The following GPSM2 variants were observed in gnomAD, a reference collection of about 807,000 sequenced individuals.
GPSM2 encodes G protein signaling modulator 2.
In GPSM2, 58 loss-of-function variants were observed where a neutral mutation model predicts 78.4. The observed-to-expected ratio is 0.74, with a 90% confidence interval of 0.60 to 0.92. GPSM2 has a LOEUF of 0.92. GPSM2 is among the 40% of genes least tolerant of loss of function. The pLI, the probability that GPSM2 is intolerant of heterozygous loss-of-function variation, is 0.00. For synonymous variants in GPSM2, 224 were observed against 280.2 expected, an observed-to-expected ratio of 0.80 and a Z score of 2.00; for missense variants, 700 against 815.5, an observed-to-expected ratio of 0.86 and a Z score of 1.73.
chr1:108,928,144 G>C (rs1019593275), intron 14 of GPSM2, among the ~76,000 whole-genome samples: 10 of 152,074 alleles, frequency 6.6e-5, no homozygotes, highest in African/African-American at 2.2e-4. Flanking sequence ...TAAAATACTT[G>C]GAAATCACAT....
intron 11 of GPSM2, among the ~76,000 whole-genome samples, chr1:108,917,611 C>CACAT (rs1312607573): frequency 1.1e-3 from 25 of 22,690 alleles, no homozygotes; most frequent in Admixed American, 3.1e-3. Flanking sequence ...CACACACACA[C>CACAT]ATATATATAT....
chr1:108,920,194 C>A (rs1650593531), intron 12 of GPSM2, among the ~76,000 whole-genome samples: 1 of 146,338 alleles, frequency 6.8e-6, no homozygotes. Flanking sequence ...ATTGGCTGGG[C>A]GCAGTGGCTC....
At chr1:108,897,873 T>G (rs1648493285) in intron 4 of GPSM2, 86 bp from the exon 5 acceptor site, 7 of 1,418,100 alleles carry the variant, frequency 4.9e-6, no homozygotes, top group Non-Finnish European at 5.9e-6. Context: ...TTTTCCCTTG[T>G]CCGTAATACT....
At chr1:108,878,237 G>A (rs993084620) in intron 1 of GPSM2, among the ~76,000 whole-genome samples, 1 of 152,184 alleles carries the variant, frequency 6.6e-6, no homozygotes, top group East Asian at 1.9e-4. Context: ...GTAGATCACT[G>A]TTGGTTGACA....
At chr1:108,928,188 A>G (rs1240742480) in intron 14 of GPSM2, among the ~76,000 whole-genome samples, 2 of 152,254 alleles carry the variant, frequency 1.3e-5, no homozygotes, top group African/African-American at 2.4e-5. Flanking sequence ...GAATATATAG[A>G]AAACTCCTAA....
intron 1 of GPSM2, among the ~76,000 whole-genome samples, chr1:108,880,995 G>A (rs1665867672): frequency 6.6e-6 from 1 of 152,190 alleles, no homozygotes; most frequent in South Asian, 2.1e-4. Flanking sequence ...TTGATAAAGA[G>A]CTAGCCTTTC....
chr1:108,924,147 G>A lies in GPSM2; in HGVS notation c.1748G>A (p.Ser583Asn), dbSNP rs1650951252. 3.7e-6 allele frequency: 6 copies of A among 1,613,760 alleles called. No homozygotes were observed. The African/African-American group carries it at 4.0e-5, about 11-fold the overall frequency. ...ACACAAAACAGCCAGTCGGTACTTA[G>A]CCACCTGATGACTAATGACAACAAA... ...RLTQNSQSVL[S>N]HLMTNDNKEA... The change falls in exon 14 of 15, where the codon AGC becomes AAC. Residue 583 changes from serine (S) to asparagine (N), a missense_variant. Physicochemically the swap from Ser to Asn is conservative, Grantham distance 46 (BLOSUM62 1). Coordinates refer to ENST00000264126, the MANE Select transcript of GPSM2 (RefSeq NM_013296.5).
chr1:108,934,281 G>C lies in GPSM2; in HGVS notation c.*4341G>C, dbSNP rs567648797. On this transcript the variant is annotated 3_prime_UTR_variant, in exon 15 of 15. Transcript: ENST00000264126. The stretch of plus-strand genomic sequence containing the variant: ...CATCAAGTGGGTGGCCTTAACTCTA[G>C]TGGATTCACTAGGCAATGTAAATTG... 2.2e-5 allele frequency: 4 copies of C among 184,290 alleles called. No individual in the cohort carries two copies. In the South Asian group the frequency reaches 5.0e-4, roughly 23 times the overall value. 11.4% of individuals were successfully genotyped at this position (184,290 alleles called of 1,614,324 possible). A position where few individuals can be genotyped will look rare whatever the true frequency, so the allele number is the denominator to read the frequency against.
chr1:108,917,611 C>CACACAT (rs1312607573), intron 11 of GPSM2, among the ~76,000 whole-genome samples: 18 of 22,700 alleles, frequency 7.9e-4, no homozygotes, highest in African/African-American at 2.8e-3. Context: ...CACACACACA[C>CACACAT]ATATATATAT....
intron 11 of GPSM2, among the ~76,000 whole-genome samples, chr1:108,915,234 G>A (rs894595614): frequency 6.6e-6 from 1 of 150,996 alleles, no homozygotes; most frequent in Admixed American, 6.6e-5. Context: ...AGCTGGGTGT[G>A]GTGGTGTCCG....
At chr1:108,897,692 T>G in intron 4 of GPSM2, 65 bp downstream of exon 4, 8 of 1,334,378 alleles carry the variant, frequency 6.0e-6, no homozygotes, top group Non-Finnish European at 8.5e-6. Flanking sequence ...ATTTTAATAC[T>G]ATTTAATTAT....
Position 108,914,418 on chromosome 1 carries a change from A to C in GPSM2, c.1263+10A>C. 6.4e-7 allele frequency: 1 copy of C among 1,570,530 alleles called. No homozygotes were observed. The highest frequency in any genetic ancestry group is 1.1e-5 in the South Asian group (1 of 89,666). On this transcript the variant is annotated intron_variant, in intron 11 of 14. Coordinates refer to ENST00000264126, the MANE Select transcript of GPSM2 (RefSeq NM_013296.5). The stretch of plus-strand genomic sequence containing the variant: ...GTTAACACCAGAAAAGGTGGGTGGC[A>C]GGTTTTATGTTTTAAATTTCATGAA...
At chr1:108,879,140 T>C (rs1427372978) in intron 1 of GPSM2, among the ~76,000 whole-genome samples, 1 of 152,248 alleles carries the variant, frequency 6.6e-6, no homozygotes, top group Non-Finnish European at 1.5e-5. Flanking sequence ...ATTTTCAATA[T>C]CTTCTTAATC....
In GPSM2 at chr1:108,931,486, C is replaced by G. The variant is rs1438609348; in HGVS notation, c.*1546C>G. 1.9e-6 allele frequency: 3 copies of G among 1,550,256 alleles called. No individual in the cohort carries two copies. Among genetic ancestry groups the G allele is most frequent in the South Asian group, 1.2e-5 (1 of 83,976 alleles). On this transcript the variant is annotated 3_prime_UTR_variant, in exon 15 of 15. Transcript: ENST00000264126. ...TCTGCTTGCTTCAGACTGTGCACAG[C>G]TGGGATGGGATCTGGGGATGTGGAC...
chr1:108,882,176 G>T (rs1271513061), intron 1 of GPSM2, among the ~76,000 whole-genome samples: 1 of 152,112 alleles, frequency 6.6e-6, no homozygotes, highest in East Asian at 1.9e-4. Flanking sequence ...GTCTTGAACT[G>T]TTGGTCTCAA....
chr1:108,918,865 T>C, intron 12 of GPSM2, 76 bp downstream of exon 12: 1 of 888,570 alleles, frequency 1.1e-6, no homozygotes, highest in Non-Finnish European at 1.9e-6. Flanking sequence ...ATGCTGAATT[T>C]TTAGTAATTT....
chr1:108,921,799 C>T (rs1012909399), intron 12 of GPSM2, among the ~76,000 whole-genome samples: 1 of 152,134 alleles, frequency 6.6e-6, no homozygotes, highest in East Asian at 1.9e-4. Context: ...TAGTTCCTCT[C>T]TCCTCCTCAG....
intron 10 of GPSM2, among the ~76,000 whole-genome samples, chr1:108,905,515 C>T (rs1570917111): frequency 6.6e-6 from 1 of 152,292 alleles, no homozygotes; most frequent in African/African-American, 2.4e-5. Context: ...TCATTCCCTT[C>T]TGAGAAAACT....
intron 11 of GPSM2, among the ~76,000 whole-genome samples, chr1:108,914,662 C>T (rs773887100): frequency 8.5e-5 from 13 of 152,172 alleles, no homozygotes; most frequent in East Asian, 7.7e-4. Context: ...ATATAAGAAA[C>T]GGGCTAACAA....
Sources: gnomAD v4.1 joint callset for allele counts (sites outside exome capture counted in the v4.1 genomes callset) on GRCh38, gnomAD v4.1.1 for gene constraint, MANE v1.5 for transcripts, NCBI Gene and HGNC (gene_info 2026-07-23, HGNC 2026-07-21) for gene names.